Variants in NPAS3 observed in about 807,000 individuals in gnomAD.
The protein encoded by NPAS3 is neuronal PAS domain protein 3, also known as neuronal PAS domain-containing protein 3.
In NPAS3, 14 loss-of-function variants were observed where a neutral mutation model predicts 73.1. That is an observed-to-expected ratio of 0.19 (90% CI 0.13 to 0.30). The LOEUF is 0.30. Ranked by LOEUF, NPAS3 falls within the 10% of genes least tolerant of loss-of-function variation. NPAS3 has a pLI of 1.00. For synonymous variants in NPAS3, 620 were observed against 541.5 expected, an observed-to-expected ratio of 1.14 and a Z score of -2.01; for missense variants, 1,096 against 1,250.0, an observed-to-expected ratio of 0.88 and a Z score of 1.86.
intron 5 of NPAS3, among the ~76,000 whole-genome samples, chr14:33,646,211 G>A (rs2140208799): frequency 6.6e-6 from 1 of 152,172 alleles, no homozygotes; most frequent in East Asian, 1.9e-4. Context: ...AAGGAGGGAA[G>A]GGATGTGACA....
rs565603858 is a variant in NPAS3 at position 33,534,780 on chromosome 14, C to T, written c.469-25341C>T. The stretch of plus-strand genomic sequence containing the variant: ...CCACACAGCGTGCACTCTGATGAGA[C>T]TTTGGAATTTCCTGGAATGTCAGCT... On this transcript the variant is annotated intron_variant, in intron 4 of 11. Transcript: ENST00000356141. Among the ~76,000 whole-genome samples, 4 of 152,058 alleles carry T rather than the reference C, an allele frequency of 2.6e-5. No homozygotes were observed. In the South Asian group the frequency reaches 6.3e-4, roughly 24 times the overall value.
chr14:33,340,385 C>A (rs1043960644), intron 3 of NPAS3, among the ~76,000 whole-genome samples: 2 of 152,096 alleles, frequency 1.3e-5, no homozygotes, highest in Non-Finnish European at 2.9e-5. Context: ...ATCCCAACTA[C>A]CTGGGAGGCT....
At chr14:33,133,751 T>A (rs1595519330) in intron 2 of NPAS3, among the ~76,000 whole-genome samples, 1 of 152,142 alleles carries the variant, frequency 6.6e-6, no homozygotes. Flanking sequence ...GTTTCTATCT[T>A]ATGTGGCCTT....
At chr14:33,435,081 T>C (rs1164011476) in intron 4 of NPAS3, among the ~76,000 whole-genome samples, 1 of 152,178 alleles carries the variant, frequency 6.6e-6, no homozygotes, top group Non-Finnish European at 1.5e-5. Flanking sequence ...CTGCAAAAGT[T>C]ATGCGTCCAA....
At position 33,195,410 on chromosome 14, in the gene NPAS3, A is replaced by G. The variant is rs140981056; in HGVS notation, c.141-19772A>G. Among the ~76,000 whole-genome samples, 1,241 of 152,164 alleles carry G rather than the reference A, an allele frequency of 8.2e-3. 16 individuals are homozygous for G. Among genetic ancestry groups the G allele is most frequent in the African/African-American group, 0.029 (1,189 of 41,486 alleles). Reference sequence around the variant, plus strand: ...GTCAGCCTCCCAAATAGCTGGGATTACAGGCGTGCACCACCACGCCCGGCC... The same window carrying G: ...GTCAGCCTCCCAAATAGCTGGGATTGCAGGCGTGCACCACCACGCCCGGCC... On this transcript the variant is annotated intron_variant, in intron 2 of 11. Coordinates refer to ENST00000356141, the Ensembl canonical transcript of NPAS3.
At chr14:33,697,871 G>T (rs374301287) in intron 6 of NPAS3, among the ~76,000 whole-genome samples, 4 of 152,328 alleles carry the variant, frequency 2.6e-5, no homozygotes, top group African/African-American at 9.6e-5. Context: ...CATAGGCAGG[G>T]TTATTAGACA....
At chr14:33,224,580 C>T (rs560421673) in intron 3 of NPAS3, among the ~76,000 whole-genome samples, 85 of 152,124 alleles carry the variant, frequency 5.6e-4, no homozygotes, top group Non-Finnish European at 9.9e-4. Context: ...TTAACAAAGT[C>T]AGTTACAGAG....
chr14:33,411,114 T>C (rs2047904470), intron 4 of NPAS3, among the ~76,000 whole-genome samples: 1 of 152,222 alleles, frequency 6.6e-6, no homozygotes, highest in Non-Finnish European at 1.5e-5. Flanking sequence ...ATCTAGATTC[T>C]GGCTCATTGT....
intron 3 of NPAS3, among the ~76,000 whole-genome samples, chr14:33,336,904 A>G (rs1051221242): frequency 5.9e-5 from 9 of 151,904 alleles, no homozygotes; most frequent in Non-Finnish European, 1.3e-4. Flanking sequence ...CTATTCAAAT[A>G]TTTTGCCCAT....
intron 7 of NPAS3, among the ~76,000 whole-genome samples, chr14:33,761,419 G>A (rs1353997121): frequency 6.6e-6 from 1 of 151,800 alleles, no homozygotes; most frequent in Non-Finnish European, 1.5e-5. Context: ...CACTTCAAGA[G>A]CCATATGCTT....
intron 2 of NPAS3, among the ~76,000 whole-genome samples, chr14:33,070,366 A>G (rs2041443442): frequency 6.6e-6 from 1 of 151,976 alleles, no homozygotes; most frequent in Admixed American, 6.6e-5. Flanking sequence ...AGAGCAGTGC[A>G]TTGCTACTGT....
chr14:33,708,075 A>AAGC (rs201354138), intron 6 of NPAS3, among the ~76,000 whole-genome samples: 1,533 of 151,922 alleles, frequency 0.01, 32 homozygotes, highest in African/African-American at 0.034. Flanking sequence ...AAACACAAAA[A>AAGC]AGCAGCAGCA....
At chr14:33,183,022 TC>T (rs534133500) in intron 2 of NPAS3, among the ~76,000 whole-genome samples, 2 of 152,174 alleles carry the variant, frequency 1.3e-5, no homozygotes, top group Admixed American at 6.5e-5. Flanking sequence ...AAATATCTCT[TC>T]CTTGGACTCT....
chr14:33,477,340 C>G (rs2051088238), intron 4 of NPAS3, among the ~76,000 whole-genome samples: 1 of 151,978 alleles, frequency 6.6e-6, no homozygotes, highest in African/African-American at 2.4e-5. Flanking sequence ...GAGAAGCTAC[C>G]CAGAAGAGGA....
In NPAS3 at chr14:33,329,104, C is replaced by T. The variant is rs116356879; in HGVS notation, c.386-38082C>T. On this transcript the variant is annotated intron_variant, in intron 3 of 11. Transcript: ENST00000356141. ...ATCAAAACTCCCTAAATTGATAGCT[C>T]AGGTATGATGTTTTGCTACTTGCCT... is the stretch of plus-strand genomic sequence containing the variant. Among the ~76,000 whole-genome samples, 404 of 152,248 alleles carry T rather than the reference C, an allele frequency of 2.7e-3. 2 individuals are homozygous for T. The highest frequency in any genetic ancestry group is 9.5e-3 in the African/African-American group (394 of 41,532).
At chr14:33,460,971 C>T (rs958469090) in intron 4 of NPAS3, among the ~76,000 whole-genome samples, 5 of 152,104 alleles carry the variant, frequency 3.3e-5, no homozygotes, top group Admixed American at 1.3e-4. Context: ...TACATCATTC[C>T]CTGTTTCTTG....
upstream of NPAS3, chr14:32,939,244 CG>C: frequency 1.6e-6 from 1 of 614,188 alleles, no homozygotes; most frequent in South Asian, 1.6e-5. Flanking sequence ...CGCACACCCC[CG>C]CCCGCCCACG....
intron 2 of NPAS3, among the ~76,000 whole-genome samples, chr14:33,057,805 C>T (rs1335994339): frequency 6.6e-6 from 1 of 152,058 alleles, no homozygotes; most frequent in African/African-American, 2.4e-5. Flanking sequence ...AGGAAATCCC[C>T]AAGATGTTGA....
chr14:33,718,158 G>A (rs1008699846), intron 6 of NPAS3, among the ~76,000 whole-genome samples: 2 of 152,092 alleles, frequency 1.3e-5, no homozygotes, highest in African/African-American at 4.8e-5. Flanking sequence ...TAGCGTTCCT[G>A]TTCTTTTCAT....
Sources: gnomAD v4.1 joint callset for allele counts (sites outside exome capture counted in the v4.1 genomes callset) on GRCh38, gnomAD v4.1.1 for gene constraint, MANE v1.5 for transcripts, NCBI Gene and HGNC (gene_info 2026-07-23, HGNC 2026-07-21) for gene names.